The following CHODL variants were observed in gnomAD, a reference collection of about 807,000 sequenced individuals.
CHODL encodes chondrolectin, also known as transmembrane protein MT75.
Under a neutral mutation model 34.5 loss-of-function variants are expected in CHODL, and 29 were observed. The ratio of observed to expected loss-of-function variants is 0.84; its 90% CI spans 0.63 to 1.15. The LOEUF (loss-of-function observed/expected upper bound fraction) is 1.15. Ranked by LOEUF, CHODL falls within the 50% of genes most tolerant of loss-of-function variation. CHODL has a pLI of 0.00. For synonymous variants in CHODL, 125 were observed against 116.1 expected (o/e 1.08, Z -0.49); for missense variants, 332 against 332.5 (o/e 1.00, Z 0.01).
At chr21:18,241,072 A>G (rs551800369), upstream of CHODL, among the ~76,000 whole-genome samples, 1 of 152,268 alleles carries the variant, frequency 6.6e-6, no homozygotes, top group South Asian at 2.1e-4. Flanking sequence ...TCTACAGCAT[A>G]GACATGTTTT....
intron 1 of CHODL, among the ~76,000 whole-genome samples, chr21:17,973,400 T>C (rs1729488161): frequency 7.0e-6 from 1 of 143,798 alleles, no homozygotes; most frequent in Non-Finnish European, 1.5e-5. Flanking sequence ...ATGCATTTTC[T>C]TTTCTTTTCT....
chr21:18,061,370 G>GA (rs2064662789), intron 2 of CHODL, among the ~76,000 whole-genome samples: 1 of 152,024 alleles, frequency 6.6e-6, no homozygotes, highest in Admixed American at 6.6e-5. Context: ...TAATGTAAGG[G>GA]AAAAAAACTA....
intron 1 of CHODL, among the ~76,000 whole-genome samples, chr21:18,254,714 G>A (rs1463027369): frequency 1.3e-5 from 2 of 148,628 alleles, no homozygotes; most frequent in East Asian, 1.9e-4. Context: ...TCTGTTTATC[G>A]TCTGTCTATC....
rs1185060695 is a variant in CHODL, at chr21:18,193,710, AT to A, written c.-44-62798del. ...GACTCTGTCTCAGAAAAAAAAAAAA[AT>A]AAAATAAATAAATAAATAAATAAAT... On this transcript the variant is annotated intron_variant, in intron 2 of 6. Transcript: ENST00000400127. 5.6e-3 allele frequency among the ~76,000 whole-genome samples: 795 copies of A among 143,200 alleles called. 21 individuals carry two copies. The highest frequency in any genetic ancestry group is 0.036 in the East Asian group (163 of 4,528). 93.9% of individuals were successfully genotyped at this position (143,200 alleles called of 152,430 possible). A position where few individuals can be genotyped will look rare whatever the true frequency, so the allele number is the denominator to read the frequency against.
At chr21:18,138,452 A>C (rs903191073) in intron 2 of CHODL, among the ~76,000 whole-genome samples, 2 of 152,222 alleles carry the variant, frequency 1.3e-5, no homozygotes, top group African/African-American at 4.8e-5. Flanking sequence ...TTCTGGTTTA[A>C]ATAACTATCA....
upstream of CHODL, among the ~76,000 whole-genome samples, chr21:18,241,648 G>A (rs371722491): frequency 5.3e-5 from 8 of 152,286 alleles, no homozygotes; most frequent in East Asian, 3.9e-4. Context: ...TCCTTGAGAC[G>A]TATTGATGGG....
chr21:18,119,296 G>C (rs1046576142), intron 2 of CHODL, among the ~76,000 whole-genome samples: 1 of 151,758 alleles, frequency 6.6e-6, no homozygotes. Flanking sequence ...AAGTCAGGCT[G>C]AGAGGTAGTA....
At chr21:18,001,774 T>C (rs961539903) in intron 1 of CHODL, among the ~76,000 whole-genome samples, 2 of 48,772 alleles carry the variant, frequency 4.1e-5, no homozygotes, top group Admixed American at 1.8e-4. Flanking sequence ...CCTCATCCTC[T>C]TTTTTTTTTT....
chr21:18,184,155 T>C (rs2073413903), intron 2 of CHODL, among the ~76,000 whole-genome samples: 1 of 152,176 alleles, frequency 6.6e-6, no homozygotes, highest in African/African-American at 2.4e-5. Flanking sequence ...CAAAGCATCC[T>C]AAGAAAATCA....
intron 1 of CHODL, among the ~76,000 whole-genome samples, chr21:17,925,389 A>G (rs1171876766): frequency 2.0e-5 from 3 of 152,224 alleles, no homozygotes; most frequent in Non-Finnish European, 4.4e-5. Flanking sequence ...CACCTGGGCC[A>G]GTTTCCTGAT....
chr21:18,052,633 T>C (rs2260211), intron 2 of CHODL, among the ~76,000 whole-genome samples: 16,700 of 151,934 alleles, frequency 0.11, 1,022 homozygotes, highest in Middle Eastern at 0.16. Flanking sequence ...TTAAAGCAGA[T>C]TGGGTTTCCA....
intron 1 of CHODL, among the ~76,000 whole-genome samples, chr21:18,024,121 A>T (rs576872700): frequency 6.6e-6 from 1 of 152,216 alleles, no homozygotes; most frequent in South Asian, 2.1e-4. Context: ...TTTTTTAAAA[A>T]TTTTTTGCTG....
intron 1 of CHODL, among the ~76,000 whole-genome samples, chr21:18,249,123 A>T (rs1386615672): frequency 1.5e-5 from 2 of 133,006 alleles, no homozygotes; most frequent in African/African-American, 5.7e-5. Context: ...ATATAATAAA[A>T]TACATATATA....
At chr21:18,245,756 G>A (rs997610124) in intron 1 of CHODL, 35 of 632,244 alleles carry the variant, frequency 5.5e-5, no homozygotes, top group African/African-American at 5.1e-4. Flanking sequence ...GATGCTTTCT[G>A]TGACCAGATC....
chr21:17,954,305 C>A (rs568223043), intron 1 of CHODL, among the ~76,000 whole-genome samples: 1 of 151,910 alleles, frequency 6.6e-6, no homozygotes, highest in Non-Finnish European at 1.5e-5. Context: ...GAGATAAACC[C>A]AAGAACATAG....
chr21:18,201,879 A>T (rs899879513), intron 2 of CHODL, among the ~76,000 whole-genome samples: 1 of 138,292 alleles, frequency 7.2e-6, no homozygotes. Flanking sequence ...ATCTCGGCTC[A>T]CTGGAAGCTC....
intron 2 of CHODL, among the ~76,000 whole-genome samples, chr21:18,043,825 C>T (rs1213332192): frequency 1.3e-5 from 2 of 151,902 alleles, no homozygotes; most frequent in Non-Finnish European, 2.9e-5. Context: ...AGAGGCCTTA[C>T]AATCTTGGCG....
At chr21:18,238,128 G>A (rs1264535697) in intron 2 of CHODL, among the ~76,000 whole-genome samples, 1 of 152,036 alleles carries the variant, frequency 6.6e-6, no homozygotes, top group East Asian at 1.9e-4. Context: ...TCAGCACTCT[G>A]AACTATTAAC....
intron 1 of CHODL, among the ~76,000 whole-genome samples, chr21:18,011,598 T>C (rs1217503280): frequency 6.6e-6 from 1 of 152,228 alleles, no homozygotes; most frequent in African/African-American, 2.4e-5. Flanking sequence ...CAGCTCTTGC[T>C]GAAGGGCAAT....
Sources: allele counts gnomAD v4.1 joint callset (sites outside exome capture counted in the v4.1 genomes callset), GRCh38; gene constraint gnomAD v4.1.1; transcripts MANE v1.5; gene names NCBI Gene and HGNC (gene_info 2026-07-23, HGNC 2026-07-21).